MAPKAPK3: variants seen among roughly 807,000 people sequenced by gnomAD.
MAPKAPK3 encodes MAPK activated protein kinase 3.
A neutral mutation model predicts 49.2 loss-of-function variants in MAPKAPK3; 35 were observed. That is an observed-to-expected ratio of 0.71 (90% CI 0.54 to 0.94). MAPKAPK3 has a LOEUF of 0.94. Among genes scored for constraint, MAPKAPK3 ranks in the 40% least tolerant of loss-of-function variants. The pLI is 0.00. For synonymous variants in MAPKAPK3, 178 were observed against 188.7 expected, an observed-to-expected ratio of 0.94 and a Z score of 0.46; for missense variants, 398 against 493.1, an observed-to-expected ratio of 0.81 and a Z score of 1.83.
Position 50,632,565 on chromosome 3 carries a change from G to A in MAPKAPK3, c.220-7801G>A, listed in dbSNP as rs76022753. ...CTAGATCCTTGGCCTCCAGGAGGAA[G>A]TTCCCTTTGCTGTAGGGCTGATGTC... On this transcript the variant is annotated intron_variant, in intron 2 of 10. Coordinates refer to ENST00000621469, the MANE Select transcript of MAPKAPK3 (RefSeq NM_001243925.2). 5.6e-3 allele frequency among the ~76,000 whole-genome samples: 847 copies of A among 152,366 alleles called. 4 individuals are homozygous for A. The highest frequency in any genetic ancestry group is 0.019 in the African/African-American group (792 of 41,582).
At chr3:50,630,595 C>T (rs537301932) in intron 2 of MAPKAPK3, among the ~76,000 whole-genome samples, 1 of 152,396 alleles carries the variant, frequency 6.6e-6, no homozygotes, top group African/African-American at 2.4e-5. Flanking sequence ...ATTGTTGTAA[C>T]AGCCACCGAG....
rs2033091960 is a variant in MAPKAPK3, at chr3:50,638,351, G to A, written c.220-2015G>A. 3.9e-5 allele frequency among the ~76,000 whole-genome samples: 6 copies of A among 152,182 alleles called. No homozygotes were observed. In the South Asian group the frequency reaches 1.0e-3, roughly 26 times the overall value. On this transcript the variant is annotated intron_variant, in intron 2 of 10. Coordinates refer to ENST00000621469, the MANE Select transcript of MAPKAPK3 (RefSeq NM_001243925.2). ...AGCTAGGGCCGCCACAGGACATGGTGGAGGCAAGTGGGGGGCACTGAGCTT... is the reference window on the plus strand; with the variant it reads ...AGCTAGGGCCGCCACAGGACATGGTAGAGGCAAGTGGGGGGCACTGAGCTT...
intron 5 of MAPKAPK3, among the ~76,000 whole-genome samples, chr3:50,642,952 A>G (rs1455578503): frequency 6.6e-6 from 1 of 152,148 alleles, no homozygotes; most frequent in Non-Finnish European, 1.5e-5. Context: ...CCCAGGTTTA[A>G]GCGATTCTCC....
chr3:50,618,502 C>T (rs550303280), intron 2 of MAPKAPK3, among the ~76,000 whole-genome samples: 8 of 150,188 alleles, frequency 5.3e-5, no homozygotes, highest in East Asian at 2.0e-4. Context: ...ATGCTGGGGG[C>T]GGGTACCTGG....
At chr3:50,631,546 A>AC (rs2032910976) in intron 2 of MAPKAPK3, among the ~76,000 whole-genome samples, 1 of 152,224 alleles carries the variant, frequency 6.6e-6, no homozygotes, top group Non-Finnish European at 1.5e-5. Flanking sequence ...TTAATAGCCC[A>AC]CACAGGTGCC....
intron 10 of MAPKAPK3, 152 bp from the exon 11 acceptor site, chr3:50,647,742 G>A: frequency 2.9e-6 from 2 of 698,970 alleles, no homozygotes; most frequent in Non-Finnish European, 4.9e-6. Flanking sequence ...ATCATGTGAT[G>A]CAAAGGGCTT....
intron 2 of MAPKAPK3, among the ~76,000 whole-genome samples, chr3:50,626,732 C>T (rs949208587): frequency 6.6e-6 from 1 of 152,210 alleles, no homozygotes; most frequent in Admixed American, 6.5e-5. Flanking sequence ...TGGATTATCA[C>T]GCCCATGCCA....
At chr3:50,627,315 C>T (rs1198456116) in intron 2 of MAPKAPK3, among the ~76,000 whole-genome samples, 3 of 151,866 alleles carry the variant, frequency 2.0e-5, no homozygotes, top group Non-Finnish European at 4.4e-5. Context: ...GTCGTGGGGG[C>T]CTGCCTTGCC....
intron 2 of MAPKAPK3, among the ~76,000 whole-genome samples, chr3:50,631,319 G>A (rs908056758): frequency 2.0e-5 from 3 of 152,208 alleles, no homozygotes; most frequent in African/African-American, 7.2e-5. Context: ...GCCCTTGTCG[G>A]GAGGGAGAGG....
intron 6 of MAPKAPK3, 37 bp downstream of exon 6, chr3:50,644,569 C>T (rs770408133): frequency 2.5e-6 from 4 of 1,610,408 alleles, no homozygotes; most frequent in Non-Finnish European, 3.4e-6. Flanking sequence ...CTCCTCACCC[C>T]AACTTATACA....
chr3:50,619,676 A>G (rs569280880), intron 2 of MAPKAPK3, among the ~76,000 whole-genome samples: 19 of 152,222 alleles, frequency 1.2e-4, no homozygotes, highest in Admixed American at 8.5e-4. Flanking sequence ...CTGAGCTCTG[A>G]CCAGCCCCTG....
At position 50,648,394 on chromosome 3, in the gene MAPKAPK3, A is replaced by G. The variant is rs940502667; in HGVS notation, c.*348A>G. The G allele has an allele frequency of 5.3e-6, 1 of 189,420 alleles. No individual in the cohort carries two copies. Among genetic ancestry groups the G allele is most frequent in the African/African-American group, 2.3e-5 (1 of 42,632 alleles). 11.7% of individuals were successfully genotyped at this position (189,420 alleles called of 1,614,324 possible). A position where few individuals can be genotyped will look rare whatever the true frequency, so the allele number is the denominator to read the frequency against. On this transcript the variant is annotated 3_prime_UTR_variant, in exon 11 of 11. Transcript: ENST00000621469. ...ACTGGGAGTTGTGGCTGGGCTTCCCATCTTCCACAGAGACATCTCCCTGTG... is the reference window on the plus strand; with the variant it reads ...ACTGGGAGTTGTGGCTGGGCTTCCCGTCTTCCACAGAGACATCTCCCTGTG...
intron 8 of MAPKAPK3, 50 bp from the exon 9 acceptor site, chr3:50,646,690 G>C: frequency 1.3e-6 from 2 of 1,531,036 alleles, no homozygotes; most frequent in South Asian, 2.2e-5. Flanking sequence ...AAGGGTGGAG[G>C]GGCTGGCTCT....
At chr3:50,613,302 A>G (rs1174708275), upstream of MAPKAPK3, among the ~76,000 whole-genome samples, 1 of 152,236 alleles carries the variant, frequency 6.6e-6, no homozygotes, top group African/African-American at 2.4e-5. Context: ...AGAAACCTGA[A>G]AGCAAAACCC....
intron 2 of MAPKAPK3, among the ~76,000 whole-genome samples, chr3:50,619,632 C>T (rs1309248358): frequency 6.6e-6 from 1 of 152,130 alleles, no homozygotes; most frequent in African/African-American, 2.4e-5. Flanking sequence ...AGACCCACTT[C>T]TTAATACCAA....
At chr3:50,621,322 A>G (rs1291806114) in intron 2 of MAPKAPK3, among the ~76,000 whole-genome samples, 4 of 152,290 alleles carry the variant, frequency 2.6e-5, no homozygotes, top group African/African-American at 4.8e-5. Flanking sequence ...AGGGCTGGGT[A>G]TGATGACTTA....
intron 2 of MAPKAPK3, among the ~76,000 whole-genome samples, chr3:50,638,132 G>A (rs377275719): frequency 6.4e-4 from 97 of 152,278 alleles, no homozygotes; most frequent in African/African-American, 2.3e-3. Flanking sequence ...TCTGATGTGG[G>A]AGTGAGATGC....
intron 3 of MAPKAPK3, among the ~76,000 whole-genome samples, chr3:50,640,842 C>T (rs1005495184): frequency 2.0e-5 from 3 of 152,180 alleles, no homozygotes; most frequent in Non-Finnish European, 2.9e-5. Context: ...AGAACAGGAC[C>T]CACGCAGTTC....
At chr3:50,644,643 G>A in intron 6 of MAPKAPK3, 111 bp downstream of exon 6, 1 of 1,190,058 alleles carries the variant, frequency 8.4e-7, no homozygotes, top group Non-Finnish European at 1.2e-6. Flanking sequence ...CAAGGAGGGA[G>A]GGGGAGAATT....
Sources: gnomAD v4.1 joint callset for allele counts (sites outside exome capture counted in the v4.1 genomes callset) on GRCh38, gnomAD v4.1.1 for gene constraint, MANE v1.5 for transcripts, NCBI Gene and HGNC (gene_info 2026-07-23, HGNC 2026-07-21) for gene names.